SLC24A2: variants seen among roughly 807,000 people sequenced by gnomAD.
The protein encoded by SLC24A2 is solute carrier family 24 member 2, also known as sodium/potassium/calcium exchanger 2.
Under a neutral mutation model 62.0 loss-of-function variants are expected in SLC24A2, and 36 were observed. The observed-to-expected ratio is 0.58, with a 90% CI of 0.44 to 0.77. SLC24A2 has a LOEUF of 0.77. SLC24A2 is among the 30% of genes least tolerant of loss of function. The pLI, the probability that SLC24A2 is intolerant of heterozygous loss-of-function variation, is 0.00. For missense variants in SLC24A2, 846 were observed against 817.9 expected, an observed-to-expected ratio of 1.03 and a Z score of -0.42; for synonymous variants, 358 against 294.0, an observed-to-expected ratio of 1.22 and a Z score of -2.23.
At chr9:19,527,956 T>C (rs764587369) in intron 9 of SLC24A2, 93 bp downstream of exon 9, 2 of 789,462 alleles carry the variant, frequency 2.5e-6, no homozygotes, top group Non-Finnish European at 4.4e-6. Flanking sequence ...AATACTGTTG[T>C]GGCAGTTGCA....
Position 19,622,397 on chromosome 9 carries a change from G to GA in SLC24A2, c.931-99dup, listed in dbSNP as rs1160271155. ...TTTAATAACAAGCATCAGTATAGGG[G>GA]AAGATTTCATTCTTTCTGCTCCTGG... On this transcript the variant is annotated intron_variant, in intron 2 of 10. Coordinates refer to ENST00000341998, the MANE Select transcript of SLC24A2 (RefSeq NM_020344.4). 3 of 1,235,400 alleles carry GA rather than the reference G, an allele frequency of 2.4e-6. No homozygotes were observed. In the Admixed American group the frequency reaches 5.8e-5, roughly 24 times the overall value. The allele number at this position is 1,235,400 out of a possible 1,614,324, so 76.5% of individuals were successfully genotyped here. A position where few individuals can be genotyped will look rare whatever the true frequency, so the allele number is the denominator to read the frequency against.
chr9:20,264,184 C>G, the SLC24A2 span, among the ~76,000 whole-genome samples: 2 of 152,196 alleles, frequency 1.3e-5, no homozygotes, highest in Non-Finnish European at 2.9e-5. Flanking sequence ...AACAACACCT[C>G]TGTTGAAATG....
the SLC24A2 span, among the ~76,000 whole-genome samples, chr9:20,131,959 T>C: frequency 9.2e-5 from 14 of 152,206 alleles, no homozygotes; most frequent in African/African-American, 3.4e-4. Context: ...GTTTATGTAA[T>C]TAAGTGTAAT....
the SLC24A2 span, chr9:19,926,120 G>C: frequency 3.3e-5 from 5 of 152,190 alleles, no homozygotes; most frequent in African/African-American, 1.2e-4. Flanking sequence ...ACACCTCCCT[G>C]TGTCACGATT....
At chr9:19,678,682 A>T (rs1819626892) in intron 2 of SLC24A2, among the ~76,000 whole-genome samples, 1 of 152,220 alleles carries the variant, frequency 6.6e-6, no homozygotes, top group Admixed American at 6.5e-5. Context: ...AACAGAAATT[A>T]GGTGAATCTG....
intron 9 of SLC24A2, among the ~76,000 whole-genome samples, chr9:19,525,988 C>G (rs928662254): frequency 5.3e-5 from 8 of 152,080 alleles, no homozygotes; most frequent in African/African-American, 1.9e-4. Flanking sequence ...TACCCACTGG[C>G]AGTCACTCCC....
chr9:20,118,589 T>C, the SLC24A2 span, among the ~76,000 whole-genome samples: 1 of 152,062 alleles, frequency 6.6e-6, no homozygotes, highest in African/African-American at 2.4e-5. Flanking sequence ...CAACAAAACC[T>C]TAGGTATTTA....
chr9:19,767,833 T>C (rs992443749), intron 2 of SLC24A2, among the ~76,000 whole-genome samples: 1 of 152,228 alleles, frequency 6.6e-6, no homozygotes, highest in Admixed American at 6.5e-5. Flanking sequence ...CATCTTTTGT[T>C]GGTTATAAAA....
At chr9:20,277,209 T>C in the SLC24A2 span, among the ~76,000 whole-genome samples, 1 of 152,222 alleles carries the variant, frequency 6.6e-6, no homozygotes, top group Non-Finnish European at 1.5e-5. Flanking sequence ...TCAAAAGCAA[T>C]GGCAACAAAA....
chr9:19,595,667 G>C (rs1836685373), intron 5 of SLC24A2, among the ~76,000 whole-genome samples: 1 of 152,054 alleles, frequency 6.6e-6, no homozygotes, highest in African/African-American at 2.4e-5. Context: ...GAAAGAAAGG[G>C]AACACTTGGA....
intron 5 of SLC24A2, among the ~76,000 whole-genome samples, chr9:19,589,701 T>A (rs994697419): frequency 1.3e-5 from 2 of 152,132 alleles, no homozygotes; most frequent in Admixed American, 6.5e-5. Context: ...CTAGATCAAA[T>A]AATATACAAG....
the SLC24A2 span, among the ~76,000 whole-genome samples, chr9:19,986,177 A>G: frequency 9.5e-3 from 1,443 of 152,226 alleles, 27 homozygotes; most frequent in African/African-American, 0.034. Flanking sequence ...AGCGCATGAA[A>G]AGATGCTCAA....
chr9:19,621,477 T>G (rs1434333480), intron 3 of SLC24A2, among the ~76,000 whole-genome samples: 1 of 152,234 alleles, frequency 6.6e-6, no homozygotes, highest in Non-Finnish European at 1.5e-5. Context: ...CTTAAACATT[T>G]TTTAATGCAT....
At chr9:19,552,576 TTCATTAAGG>T (rs1478521632) in intron 7 of SLC24A2, among the ~76,000 whole-genome samples, 30 of 151,898 alleles carry the variant, frequency 2.0e-4, no homozygotes, top group Non-Finnish European at 3.5e-4. Flanking sequence ...AGCTGATGAG[TTCATTAAGG>T]CTCCTCCCCA....
chr9:19,885,467 C>T, the SLC24A2 span, among the ~76,000 whole-genome samples: 1 of 152,160 alleles, frequency 6.6e-6, no homozygotes, highest in Non-Finnish European at 1.5e-5. Flanking sequence ...GTCTGTTGGT[C>T]CTCACAGAAA....
the SLC24A2 span, among the ~76,000 whole-genome samples, chr9:20,129,041 C>T: frequency 1.3e-5 from 2 of 151,950 alleles, no homozygotes; most frequent in Non-Finnish European, 2.9e-5. Context: ...TAATATCTCT[C>T]ATAAGAGCCT....
chr9:20,221,258 CAA>C, the SLC24A2 span, among the ~76,000 whole-genome samples: 3 of 151,868 alleles, frequency 2.0e-5, no homozygotes, highest in Non-Finnish European at 4.4e-5. Context: ...CTGTGGGAGA[CAA>C]GTGTAGAAGC....
At chr9:19,780,654 G>T (rs541533390) in intron 2 of SLC24A2, among the ~76,000 whole-genome samples, 2 of 151,426 alleles carry the variant, frequency 1.3e-5, no homozygotes, top group South Asian at 4.2e-4. Flanking sequence ...TGGGAGCTGA[G>T]GCAGGTGGAT....
At chr9:20,051,557 A>G in the SLC24A2 span, among the ~76,000 whole-genome samples, 1 of 151,894 alleles carries the variant, frequency 6.6e-6, no homozygotes, top group Admixed American at 6.6e-5. Flanking sequence ...AGTCAAGCAT[A>G]CATTGAAATT....
Sources: allele counts gnomAD v4.1 joint callset (sites outside exome capture counted in the v4.1 genomes callset), GRCh38; gene constraint gnomAD v4.1.1; transcripts MANE v1.5; gene names NCBI Gene and HGNC (gene_info 2026-07-23, HGNC 2026-07-21).